CMTM8: variants seen among roughly 807,000 people sequenced by gnomAD.
CMTM8 encodes CKLF-like MARVEL transmembrane domain-containing protein 8.
CMTM8 carries 12 observed loss-of-function variants against 18.6 expected under a neutral mutation model. That is an observed-to-expected ratio of 0.65 (90% CI 0.41 to 1.05). The LOEUF is 1.05. Ranked by LOEUF, CMTM8 falls within the 50% of genes least tolerant of loss-of-function variation. CMTM8 has a pLI of 0.00. For missense variants in CMTM8, 217 were observed against 227.2 expected (o/e 0.95, Z 0.29); for synonymous variants, 87 against 90.6 (o/e 0.96, Z 0.23).
chr3:32,305,821 CAG>C (rs1327391574), intron 1 of CMTM8, among the ~76,000 whole-genome samples: 1 of 152,170 alleles, frequency 6.6e-6, no homozygotes, highest in African/African-American at 2.4e-5. Flanking sequence ...TTAAATATAA[CAG>C]AAATCTTTAA....
intron 1 of CMTM8, among the ~76,000 whole-genome samples, chr3:32,268,576 T>G (rs1199058028): frequency 1.8e-5 from 2 of 110,438 alleles, no homozygotes; most frequent in African/African-American, 7.3e-5. Context: ...ACATGTACCC[T>G]AGAACTTAAA....
At chr3:32,328,515 A>G (rs1006409371) in intron 1 of CMTM8, among the ~76,000 whole-genome samples, 1 of 148,874 alleles carries the variant, frequency 6.7e-6, no homozygotes, top group Middle Eastern at 3.2e-3. Flanking sequence ...GTGCCACTGC[A>G]CTCCAGCCTT....
At position 32,328,557 on chromosome 3, in the gene CMTM8, A is replaced by C. The variant is rs552309293; in HGVS notation, c.148-28816A>C. On this transcript the variant is annotated intron_variant, in intron 1 of 3. Transcript: ENST00000307526. ...AGAGCAGGACCAAAAAAGAAAAAAA[A>C]AAAAAAAGCAACACTTAGTTGGTTT... is the stretch of plus-strand genomic sequence containing the variant. Among the ~76,000 whole-genome samples, 3 of 151,910 alleles carry C rather than the reference A, an allele frequency of 2.0e-5. No individual in the cohort carries two copies. The East Asian group carries it at 5.8e-4, about 29-fold the overall frequency.
At chr3:32,325,594 G>A (rs914305084) in intron 1 of CMTM8, among the ~76,000 whole-genome samples, 4 of 152,198 alleles carry the variant, frequency 2.6e-5, no homozygotes, top group Non-Finnish European at 4.4e-5. Flanking sequence ...GTCTTAAGGC[G>A]AGGCCTGAAA....
intron 1 of CMTM8, among the ~76,000 whole-genome samples, chr3:32,286,910 G>C (rs1410177321): frequency 6.6e-6 from 1 of 152,248 alleles, no homozygotes; most frequent in African/African-American, 2.4e-5. Context: ...AGGTGCACTT[G>C]TCTGCCGGAA....
chr3:32,364,169 C>G (rs1453159177), intron 2 of CMTM8, among the ~76,000 whole-genome samples: 1 of 152,046 alleles, frequency 6.6e-6, no homozygotes, highest in African/African-American at 2.4e-5. Context: ...CCCAGGAGTT[C>G]AAGACCAGCC....
chr3:32,256,697 G>C (rs1046485847), intron 1 of CMTM8, among the ~76,000 whole-genome samples: 7 of 152,178 alleles, frequency 4.6e-5, no homozygotes, highest in African/African-American at 1.7e-4. Flanking sequence ...GGCTTCCTTC[G>C]AGTTTCCCAA....
At chr3:32,343,387 C>T (rs374148758) in intron 1 of CMTM8, among the ~76,000 whole-genome samples, 4 of 152,286 alleles carry the variant, frequency 2.6e-5, no homozygotes, top group African/African-American at 2.4e-5. Context: ...AGTGGATTTC[C>T]ACCTGCAAAG....
intron 1 of CMTM8, among the ~76,000 whole-genome samples, chr3:32,316,017 C>CTTTTTT (rs150112865): frequency 3.1e-5 from 2 of 65,036 alleles, no homozygotes; most frequent in African/African-American, 5.9e-5. Context: ...GTGATTCCAC[C>CTTTTTT]TTTTTTTTTT....
chr3:32,258,160 G>GT (rs989810057), intron 1 of CMTM8, among the ~76,000 whole-genome samples: 1 of 152,090 alleles, frequency 6.6e-6, no homozygotes, highest in African/African-American at 2.4e-5. Flanking sequence ...TTGGAGGACT[G>GT]TTTTTTTCAG....
intron 1 of CMTM8, among the ~76,000 whole-genome samples, chr3:32,356,840 A>G (rs954769938): frequency 7.2e-5 from 11 of 152,242 alleles, no homozygotes; most frequent in Admixed American, 1.3e-4. Flanking sequence ...ACTAATATTT[A>G]AAATCAAGAT....
chr3:32,265,224 G>A (rs1260493494), intron 1 of CMTM8, among the ~76,000 whole-genome samples: 1 of 152,120 alleles, frequency 6.6e-6, no homozygotes, highest in African/African-American at 2.4e-5. Flanking sequence ...CTCAGCAAAT[G>A]TAAAAGAACA....
intron 1 of CMTM8, among the ~76,000 whole-genome samples, chr3:32,310,108 C>T (rs1695791331): frequency 6.6e-6 from 1 of 151,986 alleles, no homozygotes. Flanking sequence ...TTTTACTGTT[C>T]TCATGTGTAG....
At chr3:32,338,641 C>G (rs1348265105) in intron 1 of CMTM8, among the ~76,000 whole-genome samples, 1 of 152,158 alleles carries the variant, frequency 6.6e-6, no homozygotes, top group Non-Finnish European at 1.5e-5. Context: ...CCCAGGTCTC[C>G]CAGGCTTTGC....
At chr3:32,319,779 G>T (rs904678756) in intron 1 of CMTM8, among the ~76,000 whole-genome samples, 2 of 152,214 alleles carry the variant, frequency 1.3e-5, no homozygotes, top group Non-Finnish European at 2.9e-5. Context: ...TGTGCAAACT[G>T]GTGCTGCTGT....
At position 32,330,810 on chromosome 3, in the gene CMTM8, C is replaced by T. The variant is rs182593732; in HGVS notation, c.148-26563C>T. Among the ~76,000 whole-genome samples, 638 of 152,240 alleles carry T rather than the reference C, an allele frequency of 4.2e-3. 1 individual carries two copies. The highest frequency in any genetic ancestry group is 7.0e-3 in the Non-Finnish European group (475 of 68,016). On this transcript the variant is annotated intron_variant, in intron 1 of 3. Coordinates refer to ENST00000307526, the MANE Select transcript of CMTM8 (RefSeq NM_178868.5). Reference sequence around the variant, plus strand: ...CACATGCAAAAGAATGAAGATGAATCCTTACCTGACACCATGTATAAAAAT... The same window carrying T: ...CACATGCAAAAGAATGAAGATGAATTCTTACCTGACACCATGTATAAAAAT...
At chr3:32,369,824 A>T (rs1470322714) in intron 3 of CMTM8, 60 bp from the exon 4 acceptor site, 2 of 1,103,426 alleles carry the variant, frequency 1.8e-6, no homozygotes, top group Admixed American at 3.7e-5. Flanking sequence ...GTGAAATGAT[A>T]ACTTTTGCTA....
In CMTM8 at chr3:32,341,556, C is replaced by T. The variant is rs369912867; in HGVS notation, c.148-15817C>T. ...AGGCACAGAAGAGTTAAATTACTTA[C>T]GGCATGATGTTGATGTGTAGTACAG... On this transcript the variant is annotated intron_variant, in intron 1 of 3. Transcript: ENST00000307526. Among the ~76,000 whole-genome samples the T allele has an allele frequency of 2.3e-4, 35 of 152,232 alleles. No individual in the cohort carries two copies. In the East Asian group the frequency reaches 6.6e-3, roughly 29 times the overall value.
At chr3:32,362,046 C>CT (rs60064096) in intron 2 of CMTM8, among the ~76,000 whole-genome samples, 5 of 92,066 alleles carry the variant, frequency 5.4e-5, no homozygotes, top group African/African-American at 1.6e-4. Flanking sequence ...ATTTTCTTTT[C>CT]TTTTTTTTTT....
Sources: gnomAD v4.1 joint callset for allele counts (sites outside exome capture counted in the v4.1 genomes callset) on GRCh38, gnomAD v4.1.1 for gene constraint, MANE v1.5 for transcripts, NCBI Gene and HGNC (gene_info 2026-07-23, HGNC 2026-07-21) for gene names.